Variants in CNTN4 observed in about 807,000 individuals in gnomAD.
CNTN4 encodes the protein contactin 4.
Under a neutral mutation model 122.5 loss-of-function variants are expected in CNTN4, and 77 were observed. That is an observed-to-expected ratio of 0.63 (90% CI 0.52 to 0.76). CNTN4 has a LOEUF of 0.76. Ranked by LOEUF, CNTN4 falls within the 30% of genes least tolerant of loss-of-function variation. The probability of loss-of-function intolerance (pLI) is 0.00; values close to 1 mark genes in which losing one functional copy is unlikely to be tolerated. For synonymous variants in CNTN4, 512 were observed against 447.0 expected, an observed-to-expected ratio of 1.15 and a Z score of -1.83; for missense variants, 1,256 against 1,259.1, an observed-to-expected ratio of 1.00 and a Z score of 0.04.
At chr3:2,586,733 T>A (rs1158743854) in intron 4 of CNTN4, among the ~76,000 whole-genome samples, 3 of 152,248 alleles carry the variant, frequency 2.0e-5, no homozygotes, top group Non-Finnish European at 4.4e-5. Context: ...ACAACCAGAT[T>A]AAACTGTGTA....
Position 2,554,220 on chromosome 3 carries a change from T to C in CNTN4, c.-88-17196T>C, listed in dbSNP as rs1488559733. ...GCATGTTTAGTGTTTTAATAAGTTATCTATCCAAATAGGTATTTTAAGGTA... is the reference window on the plus strand; with the variant it reads ...GCATGTTTAGTGTTTTAATAAGTTACCTATCCAAATAGGTATTTTAAGGTA... On this transcript the variant is annotated intron_variant, in intron 3 of 24. Coordinates refer to ENST00000418658, the MANE Select transcript of CNTN4 (RefSeq NM_175607.3). 1.3e-5 allele frequency among the ~76,000 whole-genome samples: 2 copies of C among 152,192 alleles called. 1 individual carries two copies. The highest frequency in any genetic ancestry group is 1.3e-4 in the Admixed American group (2 of 15,270).
At chr3:2,194,172 A>G (rs76128704) in intron 2 of CNTN4, among the ~76,000 whole-genome samples, 4,624 of 152,212 alleles carry the variant, frequency 0.03, 255 homozygotes, top group African/African-American at 0.11. Context: ...TAATTATAGA[A>G]AGTGAATGGG....
At chr3:2,801,099 A>G (rs1201056823) in intron 6 of CNTN4, among the ~76,000 whole-genome samples, 1 of 152,210 alleles carries the variant, frequency 6.6e-6, no homozygotes, top group Non-Finnish European at 1.5e-5. Context: ...ACCTGATCAG[A>G]TGTAAGTTCC....
At chr3:2,227,222 A>G (rs540902491) in intron 2 of CNTN4, among the ~76,000 whole-genome samples, 1 of 152,312 alleles carries the variant, frequency 6.6e-6, no homozygotes, top group South Asian at 2.1e-4. Flanking sequence ...ATTTATCTTT[A>G]CATTCCTATA....
intron 23 of CNTN4, among the ~76,000 whole-genome samples, chr3:3,044,954 C>T (rs914105466): frequency 6.6e-6 from 1 of 152,218 alleles, no homozygotes; most frequent in Non-Finnish European, 1.5e-5. Context: ...GCAAACGGCA[C>T]ACCAGGAGAT....
chr3:2,486,362 A>C (rs1294344101), intron 3 of CNTN4, among the ~76,000 whole-genome samples: 1 of 152,190 alleles, frequency 6.6e-6, no homozygotes, highest in Non-Finnish European at 1.5e-5. Flanking sequence ...CAGATACACT[A>C]TGATAGTCTT....
intron 2 of CNTN4, among the ~76,000 whole-genome samples, chr3:2,240,059 C>T (rs2039871095): frequency 6.6e-6 from 1 of 151,998 alleles, no homozygotes; most frequent in South Asian, 2.1e-4. Flanking sequence ...TTGAATAATT[C>T]ACTTGATTCT....
chr3:2,962,462 A>G (rs550610010), intron 13 of CNTN4, among the ~76,000 whole-genome samples: 71 of 152,346 alleles, frequency 4.7e-4, no homozygotes, highest in African/African-American at 1.6e-3. Context: ...GCAAACAGGA[A>G]TTTTATTGGA....
intron 12 of CNTN4, among the ~76,000 whole-genome samples, chr3:2,910,236 TC>T (rs1261601114): frequency 6.6e-6 from 1 of 152,194 alleles, no homozygotes; most frequent in African/African-American, 2.4e-5. Context: ...ATTATGATCA[TC>T]CCTTACATCA....
At chr3:2,378,441 C>A (rs1480999046) in intron 3 of CNTN4, among the ~76,000 whole-genome samples, 1 of 152,164 alleles carries the variant, frequency 6.6e-6, no homozygotes, top group Non-Finnish European at 1.5e-5. Flanking sequence ...TGGCCATGCA[C>A]AGGGGACTGG....
intron 2 of CNTN4, among the ~76,000 whole-genome samples, chr3:2,178,482 A>G (rs1023519332): frequency 6.6e-6 from 1 of 152,078 alleles, no homozygotes; most frequent in Non-Finnish European, 1.5e-5. Context: ...CAAACCAATG[A>G]ATTCTCAGAT....
At chr3:2,836,821 T>A (rs2150442160) in intron 7 of CNTN4, among the ~76,000 whole-genome samples, 1 of 151,894 alleles carries the variant, frequency 6.6e-6, no homozygotes, top group African/African-American at 2.4e-5. Flanking sequence ...ATGTAGATGA[T>A]GGGTTGATGG....
At chr3:2,157,528 T>G (rs2035775521) in intron 2 of CNTN4, among the ~76,000 whole-genome samples, 1 of 152,164 alleles carries the variant, frequency 6.6e-6, no homozygotes, top group African/African-American at 2.4e-5. Flanking sequence ...GAAAAAAACT[T>G]TGGAGTAGTT....
chr3:2,509,935 T>C (rs2076836495), intron 3 of CNTN4, among the ~76,000 whole-genome samples: 1 of 152,180 alleles, frequency 6.6e-6, no homozygotes, highest in African/African-American at 2.4e-5. Context: ...AACATTCTGA[T>C]TGGATTTTTG....
chr3:2,674,951 T>C (rs1367941457), intron 4 of CNTN4, among the ~76,000 whole-genome samples: 1 of 152,206 alleles, frequency 6.6e-6, no homozygotes, highest in Admixed American at 6.5e-5. Flanking sequence ...TTAATTGCTT[T>C]AGTTTCCACA....
At chr3:3,004,304 G>A (rs1696377926) in intron 14 of CNTN4, among the ~76,000 whole-genome samples, 1 of 152,074 alleles carries the variant, frequency 6.6e-6, no homozygotes, top group Non-Finnish European at 1.5e-5. Flanking sequence ...TGTTTTTCCT[G>A]ATCCAGCCTC....
chr3:2,141,503 A>G (rs1017360096), intron 2 of CNTN4, among the ~76,000 whole-genome samples: 3 of 152,190 alleles, frequency 2.0e-5, no homozygotes, highest in African/African-American at 7.2e-5. Context: ...ATTGTAGCCC[A>G]GTGAGACCCA....
intron 3 of CNTN4, among the ~76,000 whole-genome samples, chr3:2,353,534 A>G (rs2044732570): frequency 6.6e-6 from 1 of 152,154 alleles, no homozygotes; most frequent in Admixed American, 6.5e-5. Flanking sequence ...AGTCACCGGG[A>G]AGGTCTGCAG....
intron 3 of CNTN4, among the ~76,000 whole-genome samples, chr3:2,407,124 A>G (rs994282446): frequency 2.6e-5 from 4 of 152,182 alleles, no homozygotes; most frequent in African/African-American, 9.6e-5. Flanking sequence ...GTTTTTATAC[A>G]ACAGCGGACA....
Sources: gnomAD v4.1 joint callset for allele counts (sites outside exome capture counted in the v4.1 genomes callset) on GRCh38, gnomAD v4.1.1 for gene constraint, MANE v1.5 for transcripts, NCBI Gene and HGNC (gene_info 2026-07-23, HGNC 2026-07-21) for gene names.